ZNF567: variants seen among roughly 807,000 people sequenced by gnomAD.
The protein encoded by ZNF567 is zinc finger protein 567.
In ZNF567, 36 loss-of-function variants were observed where a neutral mutation model predicts 53.9. The observed-to-expected ratio is 0.67, with a 90% CI of 0.51 to 0.88. The LOEUF is 0.88. Among genes scored for constraint, ZNF567 ranks in the 40% least tolerant of loss-of-function variants. ZNF567 has a pLI of 0.00. For synonymous variants in ZNF567, 224 were observed against 260.4 expected, an observed-to-expected ratio of 0.86 and a Z score of 1.35; for missense variants, 619 against 764.7, an observed-to-expected ratio of 0.81 and a Z score of 2.25.
chr19:36,704,303 C>T (rs2039377847), intron 3 of ZNF567, among the ~76,000 whole-genome samples: 1 of 151,974 alleles, frequency 6.6e-6, no homozygotes, highest in Non-Finnish European at 1.5e-5. Context: ...CGCCTGTAAT[C>T]CTAGTTGCTC....
chr19:36,704,306 A>T (rs576023134), intron 3 of ZNF567, among the ~76,000 whole-genome samples: 11 of 152,144 alleles, frequency 7.2e-5, no homozygotes, highest in African/African-American at 2.7e-4. Context: ...CTGTAATCCT[A>T]GTTGCTCAGG....
the ZNF567 span, among the ~76,000 whole-genome samples, chr19:36,674,680 AT>A: frequency 2.0e-5 from 3 of 151,852 alleles, no homozygotes; most frequent in Non-Finnish European, 2.9e-5. Flanking sequence ...CCAAATTAAT[AT>A]TTTTTTTAAC....
At chr19:36,692,083 C>T (rs2038645886) in intron 2 of ZNF567, among the ~76,000 whole-genome samples, 1 of 152,174 alleles carries the variant, frequency 6.6e-6, no homozygotes, top group Non-Finnish European at 1.5e-5. Context: ...GTTTCCAGTT[C>T]TGAGGTGGTT....
At position 36,719,890 on chromosome 19, in the gene ZNF567, G is replaced by T; in HGVS notation, c.1166G>T (p.Gly389Val). 4 of 1,609,266 alleles carry T rather than the reference G, an allele frequency of 2.5e-6. No individual in the cohort carries two copies. The highest frequency in any genetic ancestry group is 3.4e-6 in the Non-Finnish European group (4 of 1,176,336). Reference sequence around the variant, plus strand: ...TCTCTACATCAGAGAATCCATACAGGTGAGAAACCCTACATTTGTAAAGAA... The same window carrying T: ...TCTCTACATCAGAGAATCCATACAGTTGAGAAACCCTACATTTGTAAAGAA... ...TLSLHQRIHT[G>V]EKPYICKECG... The change falls in exon 6 of 6, where the codon GGT (glycine) becomes GTT (valine). Residue 389 changes from glycine (G) to valine (V), a missense_variant. Coordinates refer to ENST00000682579, the MANE Select transcript of ZNF567 (RefSeq NM_001322917.1).
rs2040025693 is a variant in ZNF567, at chr19:36,715,579, G to A, written c.223+2712G>A. ...AGTTTCGTTCTTGTTGCCCAGGCTG[G>A]AGTGCAATGGCTCGATCTCGACTCA... On this transcript the variant is annotated intron_variant, in intron 5 of 5. Transcript: ENST00000682579. 2.0e-5 allele frequency among the ~76,000 whole-genome samples: 3 copies of A among 148,280 alleles called. No homozygotes were observed. In the Admixed American group the frequency reaches 2.0e-4, roughly 10 times the overall value.
chr19:36,706,669 GT>G (rs374899379), intron 3 of ZNF567, among the ~76,000 whole-genome samples: 8 of 108,964 alleles, frequency 7.3e-5, no homozygotes, highest in South Asian at 2.7e-4. Flanking sequence ...TTTACTGTTG[GT>G]TTTTTTTTTT....
At chr19:36,685,014 G>A (rs77756304), upstream of ZNF567, among the ~76,000 whole-genome samples, 836 of 152,292 alleles carry the variant, frequency 5.5e-3, 23 homozygotes, top group Admixed American at 0.037. Flanking sequence ...CCGGCTGGCC[G>A]AGGTGGCTCA....
intron 3 of ZNF567, among the ~76,000 whole-genome samples, chr19:36,704,030 G>A (rs182463681): frequency 1.0e-3 from 155 of 152,344 alleles, no homozygotes; most frequent in Non-Finnish European, 1.7e-3. Flanking sequence ...CATCGCTCAC[G>A]CTGGGAGCTG....
At chr19:36,676,190 C>T in the ZNF567 span, among the ~76,000 whole-genome samples, 2 of 150,198 alleles carry the variant, frequency 1.3e-5, no homozygotes, top group Admixed American at 6.7e-5. Flanking sequence ...CTCAGCCTCC[C>T]GAGTAGCTGG....
intron 3 of ZNF567, among the ~76,000 whole-genome samples, chr19:36,698,017 G>T (rs1468138792): frequency 6.6e-6 from 1 of 150,638 alleles, no homozygotes; most frequent in Non-Finnish European, 1.5e-5. Context: ...CTGGTGTGCT[G>T]CACCCATTAA....
At position 36,687,935 on chromosome 19, in the gene ZNF567, A is replaced by C. The variant is rs530506566; in HGVS notation, c.-168+301A>C. On this transcript the variant is annotated intron_variant, in intron 1 of 5. Transcript: ENST00000682579. ...ATTTTCGTCCCCTGGCTCCTGGAGC[A>C]CGGCCTGGCACACAACAGGCGCTCC... Among the ~76,000 whole-genome samples the C allele has an allele frequency of 8.5e-5, 13 of 152,250 alleles. No homozygotes were observed. The East Asian group carries it at 1.5e-3, about 18-fold the overall frequency.
chr19:36,679,050 G>T, the ZNF567 span, among the ~76,000 whole-genome samples: 1,208 of 152,252 alleles, frequency 7.9e-3, 17 homozygotes, highest in African/African-American at 0.028. Context: ...ACTTTGGGAG[G>T]CCGAGCTGGG....
chr19:36,710,368 T>A (rs1478336089), intron 3 of ZNF567, among the ~76,000 whole-genome samples: 1 of 150,908 alleles, frequency 6.6e-6, no homozygotes, highest in African/African-American at 2.4e-5. Context: ...TGACTACAGG[T>A]TTTATTCCCC....
At chr19:36,707,160 TA>T (rs2039539504) in intron 3 of ZNF567, among the ~76,000 whole-genome samples, 2 of 152,122 alleles carry the variant, frequency 1.3e-5, no homozygotes, top group South Asian at 4.1e-4. Context: ...TCTTTTTTTT[TA>T]GATTGAGAAA....
chr19:36,715,506 AATAATTATTATTATTATTATT>A lies in ZNF567; in HGVS notation c.223+2642_223+2662del, dbSNP rs1206747727. Reference sequence around the variant, plus strand: ...TAATAATAATAATAATAATAATAATAATAATTATTATTATTATTATTATTATTATTATTATTATTTGAGATG... The same window carrying A: ...TAATAATAATAATAATAATAATAATAATTATTATTATTATTATTTGAGATG... On this transcript the variant is annotated intron_variant, in intron 5 of 5. Coordinates refer to ENST00000682579, the MANE Select transcript of ZNF567 (RefSeq NM_001322917.1). Among the ~76,000 whole-genome samples the A allele has an allele frequency of 1.7e-3, 44 of 25,958 alleles. No individual in the cohort carries two copies. The East Asian group carries it at 0.02, about 12-fold the overall frequency. 17.0% of individuals were successfully genotyped at this position (25,958 alleles called of 152,430 possible). A position where few individuals can be genotyped will look rare whatever the true frequency, so the allele number is the denominator to read the frequency against.
intron 2 of ZNF567, among the ~76,000 whole-genome samples, chr19:36,694,033 T>A (rs2038754222): frequency 6.6e-6 from 1 of 152,038 alleles, no homozygotes; most frequent in Non-Finnish European, 1.5e-5. Flanking sequence ...AATAATAATT[T>A]AAAAAATTAG....
At chr19:36,723,726 C>T (rs748643521), downstream of ZNF567, among the ~76,000 whole-genome samples, 4 of 151,854 alleles carry the variant, frequency 2.6e-5, no homozygotes, top group Non-Finnish European at 4.4e-5. Flanking sequence ...CCCAGCTACT[C>T]GGGGGCCTAA....
chr19:36,719,390 G>A lies in ZNF567; in HGVS notation c.666G>A (p.Arg222=), dbSNP rs2040208381. 2 of 1,613,642 alleles carry A rather than the reference G, an allele frequency of 1.2e-6. No homozygotes were observed. The highest frequency in any genetic ancestry group is 1.7e-5 in the Admixed American group (1 of 59,954). Residue 222 remains arginine, a synonymous_variant, in exon 6 of 6, where the codon AGG becomes AGA. Coordinates refer to ENST00000682579, the MANE Select transcript of ZNF567 (RefSeq NM_001322917.1). ...YNDCEKSFLQ[R]GGLITHSRPY... ...ACTGTGAGAAATCATTCCTTCAAAG[G>A]GGAGGCCTGATTACACATAGTAGAC...
At chr19:36,670,080 C>T in the ZNF567 span, among the ~76,000 whole-genome samples, 1 of 152,264 alleles carries the variant, frequency 6.6e-6, no homozygotes, top group African/African-American at 2.4e-5. Flanking sequence ...AAATTAGACA[C>T]TGGCTCTGAA....
Sources: allele counts gnomAD v4.1 joint callset (sites outside exome capture counted in the v4.1 genomes callset), GRCh38; gene constraint gnomAD v4.1.1; transcripts MANE v1.5; gene names NCBI Gene and HGNC (gene_info 2026-07-23, HGNC 2026-07-21).